Variants in KIAA0232 observed in about 807,000 individuals in gnomAD.
KIAA0232 encodes the protein KIAA0232.
KIAA0232 carries 27 observed loss-of-function variants against 122.0 expected under a neutral mutation model. That is an observed-to-expected ratio of 0.22 (90% CI 0.16 to 0.31). KIAA0232 has a LOEUF of 0.31. Among genes scored for constraint, KIAA0232 ranks in the 10% least tolerant of loss-of-function variants. KIAA0232 has a pLI of 1.00. For synonymous variants in KIAA0232, 613 were observed against 587.6 expected, an observed-to-expected ratio of 1.04 and a Z score of -0.63; for missense variants, 1,551 against 1,634.2, an observed-to-expected ratio of 0.95 and a Z score of 0.88.
intron 1 of KIAA0232, among the ~76,000 whole-genome samples, chr4:6,795,178 C>T (rs1422805192): frequency 6.6e-6 from 1 of 152,168 alleles, no homozygotes; most frequent in Non-Finnish European, 1.5e-5. Flanking sequence ...TCATGCCATT[C>T]TCTTGCCTCA....
rs773809441 is a variant in KIAA0232 at position 6,863,733 on chromosome 4, C to T, written c.3351C>T (p.Ser1117=). ...HFRPISASEL[S]PGGGSESEFE... is the part of the protein sequence containing the mutation. ...GCCCAATTTCTGCATCCGAACTGTC[C>T]CCAGGAGGAGGAAGCGAGTCAGAAT... Residue 1117 remains serine, a synonymous_variant, in exon 7 of 10, where the codon TCC becomes TCT. Transcript: ENST00000307659. The T allele has an allele frequency of 2.5e-6, 4 of 1,614,102 alleles. No homozygotes were observed. The highest frequency in any genetic ancestry group is 1.7e-5 in the Admixed American group (1 of 60,014).
At chr4:6,877,015 CT>C (rs1721792547) in intron 9 of KIAA0232, among the ~76,000 whole-genome samples, 2 of 152,232 alleles carry the variant, frequency 1.3e-5, no homozygotes, top group Admixed American at 6.5e-5. Flanking sequence ...TGGCTCTACA[CT>C]ACTGCCCGAG....
intron 8 of KIAA0232, among the ~76,000 whole-genome samples, chr4:6,875,507 C>T (rs1312413217): frequency 2.6e-5 from 4 of 152,202 alleles, no homozygotes; most frequent in Admixed American, 2.6e-4. Flanking sequence ...GCCAGTGCAG[C>T]TGCAGGAAGC....
intron 2 of KIAA0232, among the ~76,000 whole-genome samples, chr4:6,812,675 G>A (rs1212902575): frequency 6.6e-6 from 1 of 152,080 alleles, no homozygotes; most frequent in Admixed American, 6.5e-5. Context: ...AAAGAAAGAA[G>A]TGCTGTGGTA....
intron 1 of KIAA0232, among the ~76,000 whole-genome samples, chr4:6,803,431 C>A (rs532420189): frequency 1.1e-4 from 17 of 152,232 alleles, no homozygotes; most frequent in African/African-American, 3.9e-4. Flanking sequence ...TGTCACACAG[C>A]TCTCAAGTTA....
Position 6,816,376 on chromosome 4 carries a change from G to A in KIAA0232, c.-269-7809G>A, listed in dbSNP as rs978277511. Among the ~76,000 whole-genome samples the A allele has an allele frequency of 1.1e-4, 16 of 150,556 alleles. No homozygotes were observed. The East Asian group carries it at 1.4e-3, about 13-fold the overall frequency. ...CGGCTCACTGCAAGCTCTACCTCCC[G>A]GGTTCACGCCATTCTCCTGCCTCAG... On this transcript the variant is annotated intron_variant, in intron 2 of 9. Coordinates refer to ENST00000307659, the MANE Select transcript of KIAA0232 (RefSeq NM_014743.3).
rs905304140 is a variant in KIAA0232 at position 6,866,139 on chromosome 4, A to G, written c.3801+1956A>G. ...CCTTTATCTGTTTGTTTATTGCCCCATTTTTCATCCTTAAATATTCCTTTA... is the reference window on the plus strand; with the variant it reads ...CCTTTATCTGTTTGTTTATTGCCCCGTTTTTCATCCTTAAATATTCCTTTA... On this transcript the variant is annotated intron_variant, in intron 7 of 9. Coordinates refer to ENST00000307659, the MANE Select transcript of KIAA0232 (RefSeq NM_014743.3). 5.5e-6 allele frequency: 4 copies of G among 731,416 alleles called. No homozygotes were observed. The East Asian group carries it at 5.2e-4, about 96-fold the overall frequency. 45.3% of individuals were successfully genotyped at this position (731,416 alleles called of 1,614,324 possible). A position where few individuals can be genotyped will look rare whatever the true frequency, so the allele number is the denominator to read the frequency against.
At chr4:6,841,620 A>G (rs1276664270) in intron 3 of KIAA0232, among the ~76,000 whole-genome samples, 1 of 152,348 alleles carries the variant, frequency 6.6e-6, no homozygotes, top group East Asian at 1.9e-4. Flanking sequence ...GAAAAGGAAG[A>G]AGTAAGACTC....
At chr4:6,807,448 G>C (rs1395056442) in intron 2 of KIAA0232, among the ~76,000 whole-genome samples, 1 of 151,986 alleles carries the variant, frequency 6.6e-6, no homozygotes. Flanking sequence ...TCCTCTTTTT[G>C]TAGAAAGAAC....
chr4:6,863,996 G>A lies in KIAA0232; in HGVS notation c.3614G>A (p.Gly1205Glu), dbSNP rs200383624. 6.2e-7 allele frequency: 1 copy of A among 1,614,128 alleles called. No individual in the cohort carries two copies. Among genetic ancestry groups the A allele is most frequent in the East Asian group, 2.2e-5 (1 of 44,880 alleles). ...QEESTGILSV[G>E]KQNQCLECSM... is the part of the protein sequence containing the mutation. ...GAATCAACTGGGATTCTTTCAGTAG[G>A]AAAGCAAAATCAGTGTTTGGAATGT... Residue 1205 changes from glycine (G) to glutamate (E), a missense_variant, in exon 7 of 10, where the codon GGA (glycine) becomes GAA (glutamate). Around this residue, in one of 5 missense-constraint regions of KIAA0232, gnomAD observed 1,108 missense variants for 1,154.8 expected, o/e 0.96. Coordinates refer to ENST00000307659, the MANE Select transcript of KIAA0232 (RefSeq NM_014743.3).
chr4:6,842,689 G>A (rs1403119837), intron 4 of KIAA0232, among the ~76,000 whole-genome samples: 2 of 151,380 alleles, frequency 1.3e-5, no homozygotes, highest in African/African-American at 4.9e-5. Flanking sequence ...AGGTTTAAGC[G>A]ATTCTTGTGC....
chr4:6,840,947 G>T (rs1719622826), intron 3 of KIAA0232, among the ~76,000 whole-genome samples: 2 of 151,900 alleles, frequency 1.3e-5, no homozygotes, highest in African/African-American at 4.8e-5. Flanking sequence ...TTAAATTTTG[G>T]TTAAGTTATG....
At chr4:6,875,369 A>G (rs1383917943) in intron 8 of KIAA0232, among the ~76,000 whole-genome samples, 1 of 152,276 alleles carries the variant, frequency 6.6e-6, no homozygotes, top group African/African-American at 2.4e-5. Flanking sequence ...TCACAAGTAA[A>G]TAGCATGACC....
chr4:6,822,336 C>T (rs921436169), intron 2 of KIAA0232, among the ~76,000 whole-genome samples: 3 of 152,028 alleles, frequency 2.0e-5, no homozygotes, highest in African/African-American at 4.8e-5. Context: ...CTTAGTCCTG[C>T]GGTGAACTTA....
intron 5 of KIAA0232, 147 bp from the exon 6 acceptor site, chr4:6,858,278 T>G: frequency 1.8e-6 from 1 of 563,776 alleles, no homozygotes. Context: ...AAAAAATAGA[T>G]TTTTATTAAA....
At chr4:6,874,204 C>T (rs759522436) in intron 8 of KIAA0232, among the ~76,000 whole-genome samples, 1 of 152,230 alleles carries the variant, frequency 6.6e-6, no homozygotes, top group Non-Finnish European at 1.5e-5. Flanking sequence ...AGGCACTGTT[C>T]TAGACTTGGG....
chr4:6,815,344 C>G (rs1046587972), intron 2 of KIAA0232, among the ~76,000 whole-genome samples: 19 of 152,148 alleles, frequency 1.2e-4, no homozygotes, highest in Admixed American at 1.2e-3. Context: ...ACAGATAATT[C>G]GTGAACCAAC....
chr4:6,820,184 C>G (rs147938069), intron 2 of KIAA0232, among the ~76,000 whole-genome samples: 1,580 of 152,142 alleles, frequency 0.01, 18 homozygotes, highest in Non-Finnish European at 0.018. Context: ...ATAATTCATA[C>G]CCCAAACCTC....
Position 6,824,696 on chromosome 4 carries a change from T to C in KIAA0232, c.231+12T>C, listed in dbSNP as rs1718587247. The C allele has an allele frequency of 1.2e-6, 2 of 1,607,932 alleles. No individual in the cohort carries two copies. Among genetic ancestry groups the C allele is most frequent in the South Asian group, 2.2e-5 (2 of 90,920 alleles). On this transcript the variant is annotated intron_variant, in intron 3 of 9. Coordinates refer to ENST00000307659, the MANE Select transcript of KIAA0232 (RefSeq NM_014743.3). Reference sequence around the variant, plus strand: ...ACCTGCAGGAACAGGTATTTACATATTTTAAGTGTTTTCTGAAAACTGATT... The same window carrying C: ...ACCTGCAGGAACAGGTATTTACATACTTTAAGTGTTTTCTGAAAACTGATT...
Sources: allele counts gnomAD v4.1 joint callset (sites outside exome capture counted in the v4.1 genomes callset), GRCh38; gene constraint gnomAD v4.1.1; regional missense constraint gnomAD v4.1.1; transcripts MANE v1.5; gene names NCBI Gene and HGNC (gene_info 2026-07-23, HGNC 2026-07-21).